The following SLC25A53 variants were observed in gnomAD, a reference collection of about 807,000 sequenced individuals.
The protein encoded by SLC25A53 is mitochondrial carrier triple repeat protein 6.
Under a neutral mutation model 15.0 loss-of-function variants are expected in SLC25A53, and 5 were observed. That is an observed-to-expected ratio of 0.33 (90% CI 0.17 to 0.70). The LOEUF is 0.70. SLC25A53 is among the 30% of genes least tolerant of loss of function. The pLI is 0.67. For synonymous variants in SLC25A53, 95 were observed against 100.0 expected (o/e 0.95, Z 0.30); for missense variants, 216 against 241.6 (o/e 0.89, Z 0.70).
intron 1 of SLC25A53, among the ~76,000 whole-genome samples, chrX:104,148,585 A>G (rs1556369728): frequency 9.0e-6 from 1 of 111,049 alleles, no homozygotes; most frequent in East Asian, 2.8e-4. Context: ...TCACAAGGAC[A>G]AAAAACCAAA....
intron 1 of SLC25A53, among the ~76,000 whole-genome samples, chrX:104,121,906 T>TC (rs2075394857): frequency 0.032 from 1,007 of 31,904 alleles, 74 homozygotes; most frequent in East Asian, 0.043. Context: ...TATATATATA[T>TC]ATATATATAT....
At chrX:104,117,965 T>TCC (rs113106743) in intron 1 of SLC25A53, among the ~76,000 whole-genome samples, 4 of 110,617 alleles carry the variant, frequency 3.6e-5, no homozygotes, top group African/African-American at 1.3e-4. Context: ...CCCCTTTCCT[T>TCC]CCCCCCCATC....
intron 1 of SLC25A53, among the ~76,000 whole-genome samples, chrX:104,124,839 C>CTTTTTTTTTT (rs34662574): frequency 1.6e-5 from 1 of 62,276 alleles, no homozygotes; most frequent in Non-Finnish European, 3.0e-5. Flanking sequence ...AACTTTTTTC[C>CTTTTTTTTTT]TTTTTTTTTT....
chrX:104,148,002 G>C (rs1490288243), intron 1 of SLC25A53, among the ~76,000 whole-genome samples: 3 of 111,786 alleles, frequency 2.7e-5, no homozygotes, highest in Non-Finnish European at 5.6e-5. Flanking sequence ...ACGTGCACAC[G>C]TATGTTTATT....
rs141149638 is a variant in SLC25A53 at position 104,145,085 on chromosome X, A to G, written c.-32+11793T>C. On this transcript the variant is annotated intron_variant, in intron 1 of 1. Coordinates refer to ENST00000594199, the MANE Select transcript of SLC25A53 (RefSeq NM_001012755.5). ...AGTAAAACACTCCTCAGCAAATGTA[A>G]AAGAACAGAAATCACAACAAACTGT... Among the ~76,000 whole-genome samples the G allele has an allele frequency of 4.4e-3, 492 of 112,285 alleles. 3 individuals are homozygous for G. Among genetic ancestry groups the G allele is most frequent in the African/African-American group, 0.015 (476 of 30,916 alleles).
rs1556354838 is a variant in SLC25A53, at chrX:104,104,720, G to T, written c.538C>A (p.Pro180Thr). ...CCCAGGCTGTTCCTGGCCAGGACAG[G>T]CCAGAAACCACGATAGTAGCCCAGT... is the stretch of plus-strand genomic sequence containing the variant. ...LSLGYYRGFW[P>T]VLARNSLGSA... The change falls in exon 2 of 2, where the codon CCT becomes ACT. Residue 180 changes from proline (P) to threonine (T), a missense_variant. Coordinates refer to ENST00000594199, the MANE Select transcript of SLC25A53 (RefSeq NM_001012755.5). 1 of 1,211,626 alleles carries T rather than the reference G, an allele frequency of 8.3e-7. No homozygotes were observed. Among genetic ancestry groups the T allele is most frequent in the Admixed American group, 2.2e-5 (1 of 46,028 alleles).
At chrX:104,138,147 G>A (rs2075441598) in intron 1 of SLC25A53, among the ~76,000 whole-genome samples, 1 of 111,860 alleles carries the variant, frequency 8.9e-6, no homozygotes, top group African/African-American at 3.3e-5. Flanking sequence ...AGTGGTTCAC[G>A]CCTGTAATCC....
At chrX:104,143,378 C>G (rs1300932326) in intron 1 of SLC25A53, among the ~76,000 whole-genome samples, 1 of 111,658 alleles carries the variant, frequency 9.0e-6, no homozygotes, top group Non-Finnish European at 1.9e-5. Context: ...GAATTGCTAA[C>G]TAGAATACCC....
intron 1 of SLC25A53, among the ~76,000 whole-genome samples, chrX:104,152,501 G>A (rs189771282): frequency 1.5e-3 from 168 of 110,327 alleles, no homozygotes; most frequent in African/African-American, 5.4e-3. Context: ...ACAATGGCGC[G>A]ATCTCGGCTC....
chrX:104,128,734 T>TC (rs1172706645), intron 1 of SLC25A53, among the ~76,000 whole-genome samples: 1 of 109,897 alleles, frequency 9.1e-6, no homozygotes, highest in Non-Finnish European at 1.9e-5. Flanking sequence ...ACTAAAGTAC[T>TC]CCAAAACACA....
intron 1 of SLC25A53, among the ~76,000 whole-genome samples, chrX:104,143,709 C>T (rs897496850): frequency 4.5e-5 from 5 of 111,768 alleles, no homozygotes; most frequent in African/African-American, 1.3e-4. Context: ...ACTTCCCCAA[C>T]CTAGCAAGGC....
intron 1 of SLC25A53, among the ~76,000 whole-genome samples, chrX:104,136,150 CATTAT>C (rs2075436023): frequency 9.0e-6 from 1 of 111,384 alleles, no homozygotes; most frequent in Non-Finnish European, 1.9e-5. Flanking sequence ...ATAACACACA[CATTAT>C]ATATGTATAC....
intron 1 of SLC25A53, chrX:104,114,312 A>C: frequency 8.3e-7 from 1 of 1,211,601 alleles, no homozygotes; most frequent in South Asian, 1.8e-5. Flanking sequence ...GGCTGATCCA[A>C]GTCAATGAGG....
chrX:104,122,315 T>G (rs1401469936), intron 1 of SLC25A53, among the ~76,000 whole-genome samples: 3 of 80,707 alleles, frequency 3.7e-5, no homozygotes, highest in Non-Finnish European at 5.3e-5. Flanking sequence ...TTTTTTTTTT[T>G]TGTTTTTTTT....
intron 1 of SLC25A53, among the ~76,000 whole-genome samples, chrX:104,138,335 A>C (rs2075442203): frequency 8.9e-6 from 1 of 112,319 alleles, no homozygotes; most frequent in Non-Finnish European, 1.9e-5. Context: ...TAAGCCCAGG[A>C]GGCAGAGGTT....
In SLC25A53 at chrX:104,104,234, A is replaced by G; in HGVS notation, c.*100T>C. 1.3e-6 allele frequency: 1 copy of G among 756,607 alleles called. No individual in the cohort carries two copies. Among genetic ancestry groups the G allele is most frequent in the Non-Finnish European group, 1.9e-6 (1 of 516,450 alleles). 62.4% of individuals were successfully genotyped at this position (756,607 alleles called of 1,213,427 possible). A position where few individuals can be genotyped will look rare whatever the true frequency, so the allele number is the denominator to read the frequency against. On this transcript the variant is annotated 3_prime_UTR_variant, in exon 2 of 2. Transcript: ENST00000594199. ...CATGCAATGAGTTTATAGATGCTAA[A>G]GGATGGCTGTATTAGGCAACCTAGC...
chrX:104,129,683 G>C (rs781889909), intron 1 of SLC25A53, among the ~76,000 whole-genome samples: 1 of 109,735 alleles, frequency 9.1e-6, no homozygotes, highest in South Asian at 3.8e-4. Flanking sequence ...TTATAGATAA[G>C]TCTGAAGTAA....
intron 1 of SLC25A53, among the ~76,000 whole-genome samples, chrX:104,126,156 A>T (rs2075410186): frequency 9.1e-6 from 1 of 109,736 alleles, no homozygotes; most frequent in East Asian, 2.9e-4. Flanking sequence ...AAAAAAATTA[A>T]AAATTAGCCA....
intron 1 of SLC25A53, chrX:104,114,835 G>T: frequency 8.3e-7 from 1 of 1,209,997 alleles, no homozygotes; most frequent in South Asian, 1.8e-5. Flanking sequence ...AATGGAGAGG[G>T]CAGCCAGCCC....
Sources: allele counts gnomAD v4.1 joint callset (sites outside exome capture counted in the v4.1 genomes callset), GRCh38; gene constraint gnomAD v4.1.1; transcripts MANE v1.5; gene names NCBI Gene and HGNC (gene_info 2026-07-23, HGNC 2026-07-21).